PWWP3B: variants seen among roughly 807,000 people sequenced by gnomAD.
The protein encoded by PWWP3B is PWWP domain-containing DNA repair factor 3B.
PWWP3B carries 5 observed loss-of-function variants against 15.7 expected under a neutral mutation model. The observed-to-expected ratio is 0.32, with a 90% CI of 0.17 to 0.67. The LOEUF is 0.67. Ranked by LOEUF, PWWP3B falls within the 30% of genes least tolerant of loss-of-function variation. The pLI is 0.74. For missense variants in PWWP3B, 519 were observed against 493.1 expected (o/e 1.05, Z -0.50); for synonymous variants, 203 against 179.8 (o/e 1.13, Z -1.03).
chrX:106,186,861 G>T (rs956537082), intron 2 of PWWP3B, among the ~76,000 whole-genome samples: 2 of 111,728 alleles, frequency 1.8e-5, no homozygotes, highest in African/African-American at 6.5e-5. Context: ...ATTTTACAGA[G>T]TGCCGATTGG....
intron 2 of PWWP3B, among the ~76,000 whole-genome samples, chrX:106,189,998 A>G (rs1176681954): frequency 3.6e-5 from 4 of 112,358 alleles, no homozygotes; most frequent in African/African-American, 9.7e-5. Context: ...GTGCCACTAT[A>G]AACATACATG....
intron 2 of PWWP3B, among the ~76,000 whole-genome samples, chrX:106,190,186 C>G (rs1602847501): frequency 9.0e-6 from 1 of 111,488 alleles, no homozygotes. Flanking sequence ...CCTATTTCTC[C>G]ACATCCTCTC....
Position 106,206,712 on chromosome X carries a change from C to T in PWWP3B, c.1280C>T (p.Ala427Val). ...ERKASVLFVE[A>V]NMNSEKKGIR... ...AAAGCAAGTGTGCTTTTTGTTGAGG[C>T]AAACATGAATTCTGAAAAGAAGGGC... The change falls in exon 4 of 4, where the codon GCA becomes GTA. Residue 427 changes from alanine (A) to valine (V), a missense_variant. Ala to Val is a moderately conservative substitution (Grantham distance 64, BLOSUM62 0). Coordinates refer to ENST00000357175, the MANE Select transcript of PWWP3B (RefSeq NM_001171020.2). 2 of 1,208,826 alleles carry T rather than the reference C, an allele frequency of 1.7e-6. No individual in the cohort carries two copies. The highest frequency in any genetic ancestry group is 2.2e-6 in the Non-Finnish European group (2 of 894,192).
chrX:106,186,933 A>T (rs1015508303), intron 2 of PWWP3B, among the ~76,000 whole-genome samples: 3 of 111,951 alleles, frequency 2.7e-5, no homozygotes, highest in Non-Finnish European at 5.6e-5. Context: ...CAGAGTGCTG[A>T]TTGGTGCATT....
Position 106,206,044 on chromosome X carries a change from T to C in PWWP3B, c.612T>C (p.Asp204=), listed in dbSNP as rs769728764. The part of the protein sequence containing the change: ...ETFPSLSEDN[D]EKENKNKIDI... ...TCCCTTCACTTTCGGAAGATAATGATGAAAAAGAGAACAAGAATAAGATTG... is the reference window on the plus strand; with the variant it reads ...TCCCTTCACTTTCGGAAGATAATGACGAAAAAGAGAACAAGAATAAGATTG... Residue 204 remains aspartate (D), a synonymous_variant, in exon 4 of 4, where the codon GAT becomes GAC. Coordinates refer to ENST00000357175, the MANE Select transcript of PWWP3B (RefSeq NM_001171020.2). 9.4e-5 allele frequency: 114 copies of C among 1,208,064 alleles called. No individual in the cohort carries two copies. The highest frequency in any genetic ancestry group is 1.2e-4 in the Non-Finnish European group (106 of 894,199).
chrX:106,207,124 G>C lies in PWWP3B; in HGVS notation c.1692G>C (p.Lys564Asn). 2 of 1,206,515 alleles carry C rather than the reference G, an allele frequency of 1.7e-6. No homozygotes were observed. The highest frequency in any genetic ancestry group is 2.2e-6 in the Non-Finnish European group (2 of 892,583). Reference sequence around the variant, plus strand: ...TGGTGGACTTCATTGTGAATGCAAAGGGAACAGAGAACCATCTTCTGGCCA... The same window carrying C: ...TGGTGGACTTCATTGTGAATGCAAACGGAACAGAGAACCATCTTCTGGCCA... ...KNLVDFIVNA[K>N]GTENHLLAIV... Residue 564 changes from lysine (K) to asparagine (N), a missense_variant, in exon 4 of 4, where the codon AAG becomes AAC. By Grantham distance (94) the Lys-to-Asn change is moderately conservative. Coordinates refer to ENST00000357175, the MANE Select transcript of PWWP3B (RefSeq NM_001171020.2).
rs1309013625 is a variant in PWWP3B, at chrX:106,186,686, C to A, written c.-401+15547C>A. ...AGGTGGCACGGACCCAAAGAGTCAGCAGAAGCAAGATTTATTGTGAAGAGT... is the reference window on the plus strand; with the variant it reads ...AGGTGGCACGGACCCAAAGAGTCAGAAGAAGCAAGATTTATTGTGAAGAGT... On this transcript the variant is annotated intron_variant, in intron 2 of 3. Coordinates refer to ENST00000357175, the MANE Select transcript of PWWP3B (RefSeq NM_001171020.2). Among the ~76,000 whole-genome samples the A allele has an allele frequency of 2.7e-5, 3 of 110,530 alleles. No individual in the cohort carries two copies. The East Asian group carries it at 8.7e-4, about 32-fold the overall frequency.
At position 106,207,470 on chromosome X, in the gene PWWP3B, G is replaced by A. The variant is rs867656586; in HGVS notation, c.2038G>A (p.Ala680Thr). The A allele has an allele frequency of 2.6e-6, 3 of 1,153,855 alleles. No individual in the cohort carries two copies. Among genetic ancestry groups the A allele is most frequent in the African/African-American group, 3.6e-5 (2 of 54,975 alleles). ...CTACAGGGAAAGAGAATTATTTGAT[G>A]CAAAAATAATATATGAAAAGAGACG... ...LGYRERELFDAKIIYEKRRKA... is the reference protein window; with the variant it reads ...LGYRERELFDTKIIYEKRRKA... Residue 680 changes from alanine to threonine, a missense_variant, in exon 4 of 4, where the codon GCA becomes ACA. Coordinates refer to ENST00000357175, the MANE Select transcript of PWWP3B (RefSeq NM_001171020.2).
At chrX:106,184,298 G>A (rs2147600262) in intron 2 of PWWP3B, among the ~76,000 whole-genome samples, 1 of 111,531 alleles carries the variant, frequency 9.0e-6, no homozygotes, top group Non-Finnish European at 1.9e-5. Context: ...GACCCTTGAG[G>A]GAGTTGGGTG....
rs766627314 is a variant in PWWP3B at position 106,208,391 on chromosome X, C to CTCTAGACA, written c.*870_*877dup. The CTCTAGACA allele has an allele frequency of 1.6e-5, 2 of 123,798 alleles. No homozygotes were observed. Among genetic ancestry groups the CTCTAGACA allele is most frequent in the Non-Finnish European group, 3.7e-5 (2 of 53,402 alleles). The allele number at this position is 123,798 out of a possible 1,213,427, so 10.2% of individuals were successfully genotyped here. ...ACTTATTGTATTTACAGCCTGGCCA[C>CTCTAGACA]TCTAGACATATGAATCCAGGCTGAC... On this transcript the variant is annotated 3_prime_UTR_variant, in exon 4 of 4. Transcript: ENST00000357175.
chrX:106,185,373 G>A (rs761153707), intron 2 of PWWP3B, among the ~76,000 whole-genome samples: 3 of 111,229 alleles, frequency 2.7e-5, no homozygotes, highest in East Asian at 2.8e-4. Context: ...AACCTGCAAC[G>A]GTACCTGGAC....
chrX:106,183,527 A>C (rs1378892746), intron 2 of PWWP3B, among the ~76,000 whole-genome samples: 2 of 111,823 alleles, frequency 1.8e-5, no homozygotes, highest in African/African-American at 6.5e-5. Context: ...CCCCATATTC[A>C]TGTAGATCAT....
At position 106,207,404 on chromosome X, in the gene PWWP3B, G is replaced by C; in HGVS notation, c.1972G>C (p.Glu658Gln). 1 of 1,170,022 alleles carries C rather than the reference G, an allele frequency of 8.5e-7. No homozygotes were observed. Among genetic ancestry groups the C allele is most frequent in the Non-Finnish European group, 1.1e-6 (1 of 874,230 alleles). The change falls in exon 4 of 4, where the codon GAG becomes CAG. Residue 658 changes from glutamate (E) to glutamine (Q), a missense_variant. Coordinates refer to ENST00000357175, the MANE Select transcript of PWWP3B (RefSeq NM_001171020.2). ...SISAVDGLDY[E>Q]AAEAKYLKGP... ...TTCTGCTGTTGATGGGTTAGATTAC[G>C]AGGCAGCTGAAGCAAAGTATCTAAA...
intron 2 of PWWP3B, among the ~76,000 whole-genome samples, chrX:106,172,571 C>T (rs73247925): frequency 0.018 from 1,935 of 110,455 alleles, 20 homozygotes; most frequent in Non-Finnish European, 0.025. Context: ...TTACACATCT[C>T]GTCCCACTGG....
chrX:106,187,363 G>A (rs1224443617), intron 2 of PWWP3B, among the ~76,000 whole-genome samples: 1 of 111,825 alleles, frequency 8.9e-6, no homozygotes. Flanking sequence ...CCTGTGTCTT[G>A]ACTCCTAATA....
At chrX:106,202,696 C>T (rs1156914844) in intron 2 of PWWP3B, among the ~76,000 whole-genome samples, 1 of 111,286 alleles carries the variant, frequency 9.0e-6, no homozygotes, top group Non-Finnish European at 1.9e-5. Flanking sequence ...TTTCTATACG[C>T]AGTTTTCAAA....
chrX:106,198,093 C>T (rs1923483851), intron 2 of PWWP3B, among the ~76,000 whole-genome samples: 1 of 111,674 alleles, frequency 9.0e-6, no homozygotes, highest in South Asian at 3.7e-4. Context: ...ATTTGAATTG[C>T]TATACATTAA....
chrX:106,202,643 G>A (rs1923767899), intron 2 of PWWP3B, among the ~76,000 whole-genome samples: 1 of 111,756 alleles, frequency 8.9e-6, no homozygotes, highest in Non-Finnish European at 1.9e-5. Context: ...CCATGTTTCT[G>A]TATCATCTAA....
chrX:106,207,499 A>G lies in PWWP3B; in HGVS notation c.2067A>G (p.Lys689=), dbSNP rs1396951414. The G allele has an allele frequency of 7.0e-6, 8 of 1,145,699 alleles. No homozygotes were observed. The East Asian group carries it at 2.6e-4, about 37-fold the overall frequency. 94.4% of individuals were successfully genotyped at this position (1,145,699 alleles called of 1,213,427 possible). A position where few individuals can be genotyped will look rare whatever the true frequency, so the allele number is the denominator to read the frequency against. The change falls in exon 4 of 4, where the codon AAA becomes AAG. Residue 689 remains lysine (K), a synonymous_variant. Transcript: ENST00000357175. ...DAKIIYEKRR[K]APTNEAH ...AAATAATATATGAAAAGAGACGAAA[A>G]GCACCAACAAATGAAGCTCACTAAA...
Sources: gnomAD v4.1 joint callset for allele counts (sites outside exome capture counted in the v4.1 genomes callset) on GRCh38, gnomAD v4.1.1 for gene constraint, MANE v1.5 for transcripts, NCBI Gene and HGNC (gene_info 2026-07-23, HGNC 2026-07-21) for gene names.